The following KIAA1217 variants were observed in gnomAD, a reference collection of about 807,000 sequenced individuals.
The protein encoded by KIAA1217 is KIAA1217, also known as sickle tail protein homolog.
KIAA1217 carries 88 observed loss-of-function variants against 163.9 expected under a neutral mutation model. The ratio of observed to expected loss-of-function variants is 0.54; its 90% CI spans 0.45 to 0.64. The LOEUF is 0.64. Ranked by LOEUF, KIAA1217 falls within the 30% of genes least tolerant of loss-of-function variation. The probability of loss-of-function intolerance (pLI) is 0.00; values close to 1 mark genes in which losing one functional copy is unlikely to be tolerated. For missense variants in KIAA1217, 2,372 were observed against 2,475.0 expected (o/e 0.96, Z 0.88); for synonymous variants, 903 against 923.1 (o/e 0.98, Z 0.39).
chr10:23,998,469 G>T (rs1046832849), intron 1 of KIAA1217, among the ~76,000 whole-genome samples: 4 of 152,168 alleles, frequency 2.6e-5, no homozygotes, highest in African/African-American at 9.7e-5. Flanking sequence ...CAAATACATG[G>T]GAGGCCAATG....
intron 2 of KIAA1217, among the ~76,000 whole-genome samples, chr10:24,370,157 C>A (rs565277563): frequency 3.9e-4 from 58 of 149,782 alleles, no homozygotes; most frequent in African/African-American, 1.4e-3. Context: ...CCCAGCTACT[C>A]GGGAGGCTGA....
intron 2 of KIAA1217, among the ~76,000 whole-genome samples, chr10:24,300,044 G>T (rs148049150): frequency 2.0e-5 from 3 of 152,078 alleles, no homozygotes; most frequent in East Asian, 1.9e-4. Flanking sequence ...CTCTGCTACC[G>T]CAGAGGGTAG....
intron 1 of KIAA1217, among the ~76,000 whole-genome samples, chr10:23,764,927 G>A (rs527586919): frequency 3.9e-5 from 6 of 152,158 alleles, no homozygotes; most frequent in Admixed American, 2.0e-4. Context: ...CAACATTCTC[G>A]TCTGTATTAG....
In KIAA1217 at chr10:24,433,127, C is replaced by T. The variant is rs140101971; in HGVS notation, c.686C>T (p.Ser229Leu). ...CAGCTCACCATGAAAATGCTGGAAT[C>T]GCCCAGTGTCGCCATTTACATCAAA... Reference protein sequence around the residue: ...PQQLTMKMLESPSVAIYIKDE... With the variant: ...PQQLTMKMLELPSVAIYIKDE... The change falls in exon 4 of 21, where the codon TCG becomes TTG. Residue 229 changes from serine (S) to leucine (L), a missense_variant. By Grantham distance (145) the Ser-to-Leu change is moderately radical. Around this residue, in one of 3 missense-constraint regions of KIAA1217, gnomAD observed 1,431 missense variants for 1,470.3 expected, o/e 0.97. Coordinates refer to ENST00000376454, the MANE Select transcript of KIAA1217 (RefSeq NM_019590.5). The T allele has an allele frequency of 8.7e-6, 14 of 1,613,986 alleles. No individual in the cohort carries two copies. Among genetic ancestry groups the T allele is most frequent in the East Asian group, 2.2e-5 (1 of 44,888 alleles).
chr10:24,238,046 G>A (rs2072524995), intron 2 of KIAA1217, among the ~76,000 whole-genome samples: 1 of 152,246 alleles, frequency 6.6e-6, no homozygotes, highest in Non-Finnish European at 1.5e-5. Flanking sequence ...GCAAGGTGTA[G>A]AGGTTAATGT....
chr10:24,030,317 A>C (rs1399825085), intron 2 of KIAA1217, among the ~76,000 whole-genome samples: 1 of 152,068 alleles, frequency 6.6e-6, no homozygotes, highest in East Asian at 1.9e-4. Context: ...TGACTGGATC[A>C]TGGGGGTGGT....
At chr10:24,545,684 C>G (rs1428770645) in intron 20 of KIAA1217, 143 bp from the exon 21 acceptor site, 5 of 1,461,944 alleles carry the variant, frequency 3.4e-6, no homozygotes, top group South Asian at 2.9e-5. Flanking sequence ...TAGAGCACAA[C>G]AAGACTTAGC....
At chr10:24,428,777 A>G (rs563316076) in intron 3 of KIAA1217, among the ~76,000 whole-genome samples, 184 of 151,836 alleles carry the variant, frequency 1.2e-3, no homozygotes, top group Middle Eastern at 3.4e-3. Context: ...GCTTGAAGCC[A>G]GTAGTTTGAG....
chr10:23,928,208 C>T (rs578213321), intron 1 of KIAA1217, among the ~76,000 whole-genome samples: 6 of 152,246 alleles, frequency 3.9e-5, no homozygotes, highest in Admixed American at 3.9e-4. Flanking sequence ...AGCACAGGGT[C>T]CCCTGAGAGC....
Position 24,072,182 on chromosome 10 carries a change from C to G in KIAA1217, c.-171+64808C>G, listed in dbSNP as rs377468483. Among the ~76,000 whole-genome samples the G allele has an allele frequency of 5.9e-5, 9 of 152,170 alleles. No homozygotes were observed. The South Asian group carries it at 1.9e-3, about 32-fold the overall frequency. On this transcript the variant is annotated intron_variant, in intron 2 of 18. Transcript: ENST00000376462. ...TTAGGACTAAAGGCACATACCACCA[C>G]ACCCAGCTAATTATTTTTATTTTTT...
At chr10:24,340,117 A>G (rs1191656331) in intron 2 of KIAA1217, among the ~76,000 whole-genome samples, 1 of 152,228 alleles carries the variant, frequency 6.6e-6, no homozygotes, top group Non-Finnish European at 1.5e-5. Flanking sequence ...GAGAATGGCT[A>G]GACTGACAGC....
At chr10:24,396,254 T>C (rs1308026896) in intron 3 of KIAA1217, among the ~76,000 whole-genome samples, 3 of 152,034 alleles carry the variant, frequency 2.0e-5, no homozygotes, top group East Asian at 1.9e-4. Context: ...GGAGAATCAC[T>C]TGAGCCCGGG....
chr10:23,790,290 T>TGC lies in KIAA1217; in HGVS notation c.-321+95057_-321+95058dup, dbSNP rs1307515962. Among the ~76,000 whole-genome samples the TGC allele has an allele frequency of 4.6e-5, 4 of 86,956 alleles. 1 individual carries two copies. Among genetic ancestry groups the TGC allele is most frequent in the Non-Finnish European group, 9.6e-5 (4 of 41,640 alleles). 57.0% of individuals were successfully genotyped at this position (86,956 alleles called of 152,430 possible). A position where few individuals can be genotyped will look rare whatever the true frequency, so the allele number is the denominator to read the frequency against. On this transcript the variant is annotated intron_variant, in intron 1 of 18. Coordinates refer to the KIAA1217 transcript ENST00000376462. ...ATATGCACATATGCATATGCACATA[T>TGC]GCATATGCACATATGCATATATACA...
intron 2 of KIAA1217, among the ~76,000 whole-genome samples, chr10:24,365,363 A>G (rs1591347206): frequency 6.7e-6 from 1 of 148,496 alleles, no homozygotes; most frequent in African/African-American, 2.5e-5. Context: ...AGCCGGTGTT[A>G]CTTATCATCG....
At chr10:23,728,336 G>C (rs1463227881) in intron 1 of KIAA1217, among the ~76,000 whole-genome samples, 1 of 152,080 alleles carries the variant, frequency 6.6e-6, no homozygotes, top group Non-Finnish European at 1.5e-5. Context: ...GTTGTTTCCT[G>C]ACTTTTTAAT....
chr10:24,103,763 A>G (rs1264386812), intron 2 of KIAA1217, among the ~76,000 whole-genome samples: 1 of 152,188 alleles, frequency 6.6e-6, no homozygotes, highest in Non-Finnish European at 1.5e-5. Flanking sequence ...GAAATGGAAT[A>G]GCCAACACCA....
chr10:24,129,802 CAG>C (rs1451621425), intron 2 of KIAA1217, among the ~76,000 whole-genome samples: 2 of 152,054 alleles, frequency 1.3e-5, no homozygotes, highest in East Asian at 3.8e-4. Context: ...CAGTTTTTCA[CAG>C]AGTTCTTTTT....
rs34613849 is a variant in KIAA1217, at chr10:24,438,058, A to AT, written c.753-317dup. Among the ~76,000 whole-genome samples, 87 of 148,740 alleles carry AT rather than the reference A, an allele frequency of 5.8e-4. 2 individuals carry two copies. Among genetic ancestry groups the AT allele is most frequent in the East Asian group, 4.5e-3 (23 of 5,124 alleles). On this transcript the variant is annotated intron_variant, in intron 4 of 20. Coordinates refer to ENST00000376454, the MANE Select transcript of KIAA1217 (RefSeq NM_019590.5). ...AATGTATTGTAAATATTGGAACTTT[A>AT]TTTTTTTTTTTAAAGCCTTAGTTTC...
intron 1 of KIAA1217, among the ~76,000 whole-genome samples, chr10:23,766,324 T>C (rs1834513783): frequency 6.6e-6 from 1 of 152,264 alleles, no homozygotes; most frequent in African/African-American, 2.4e-5. Flanking sequence ...ATGGTCTCAA[T>C]GTCAAAACAT....
Sources: gnomAD v4.1 joint callset for allele counts (sites outside exome capture counted in the v4.1 genomes callset) on GRCh38, gnomAD v4.1.1 for gene constraint, gnomAD v4.1.1 regional missense constraint, MANE v1.5 for transcripts, NCBI Gene and HGNC (gene_info 2026-07-23, HGNC 2026-07-21) for gene names.